Variants in AGBL1 observed in about 807,000 individuals in gnomAD.
AGBL1 encodes the protein cytosolic carboxypeptidase 4.
Under a neutral mutation model 118.9 loss-of-function variants are expected in AGBL1, and 130 were observed. The observed-to-expected ratio is 1.09, with a 90% CI of 0.95 to 1.26. The LOEUF (loss-of-function observed/expected upper bound fraction) is 1.26, where lower values mean the gene tolerates loss of function less well. Ranked by LOEUF, AGBL1 falls within the 50% of genes most tolerant of loss-of-function variation. The probability of loss-of-function intolerance (pLI) is 0.00; values close to 1 mark genes in which losing one functional copy is unlikely to be tolerated. For synonymous variants in AGBL1, 555 were observed against 478.9 expected (o/e 1.16, Z -2.08); for missense variants, 1,584 against 1,298.1 (o/e 1.22, Z -3.38).
At chr15:86,155,968 C>A (rs1739282745) in intron 4 of AGBL1, among the ~76,000 whole-genome samples, 1 of 152,054 alleles carries the variant, frequency 6.6e-6, no homozygotes, top group Non-Finnish European at 1.5e-5. Context: ...TTTGCCTAGG[C>A]TGGAGTGCAC....
At chr15:86,473,542 T>A (rs1463780247) in intron 18 of AGBL1, among the ~76,000 whole-genome samples, 1 of 151,568 alleles carries the variant, frequency 6.6e-6, no homozygotes, top group Non-Finnish European at 1.5e-5. Flanking sequence ...AGTGTGTATA[T>A]TTTTTTCTAT....
chr15:86,280,569 T>A (rs945876249), intron 16 of AGBL1, among the ~76,000 whole-genome samples: 2 of 152,226 alleles, frequency 1.3e-5, no homozygotes, highest in Middle Eastern at 3.2e-3. Context: ...GTATCTTCTA[T>A]AAAGCACTTT....
chr15:86,595,978 C>T (rs2084399631), intron 21 of AGBL1, among the ~76,000 whole-genome samples: 1 of 151,820 alleles, frequency 6.6e-6, no homozygotes, highest in Admixed American at 6.6e-5. Context: ...CCCCAGAAAG[C>T]CAAAGTCTGA....
chr15:86,634,248 C>A (rs540395408), intron 21 of AGBL1, among the ~76,000 whole-genome samples: 1 of 152,144 alleles, frequency 6.6e-6, no homozygotes, highest in South Asian at 2.1e-4. Context: ...TATGTCCACA[C>A]AAGAATTTGT....
intron 1 of AGBL1, among the ~76,000 whole-genome samples, chr15:86,127,130 A>G (rs2076757729): frequency 6.6e-6 from 1 of 152,188 alleles, no homozygotes; most frequent in Non-Finnish European, 1.5e-5. Flanking sequence ...CTACAGGAAT[A>G]CTTACTCTCT....
intron 18 of AGBL1, among the ~76,000 whole-genome samples, chr15:86,498,103 A>G (rs1217731057): frequency 6.6e-6 from 1 of 151,956 alleles, no homozygotes; most frequent in African/African-American, 2.4e-5. Flanking sequence ...AATTCTATTA[A>G]CAGAAGATAG....
chr15:86,974,799 G>T (rs1287751809), intron 23 of AGBL1, among the ~76,000 whole-genome samples: 2 of 151,698 alleles, frequency 1.3e-5, no homozygotes, highest in Non-Finnish European at 1.5e-5. Flanking sequence ...AAGCAAGTTA[G>T]TTGGGGATAT....
chr15:86,432,374 A>T (rs2081944583), intron 18 of AGBL1, among the ~76,000 whole-genome samples: 2 of 152,096 alleles, frequency 1.3e-5, no homozygotes, highest in Admixed American at 1.3e-4. Flanking sequence ...GTTTTTGATG[A>T]CTTCGATAGT....
chr15:86,480,189 A>C (rs2082631593), intron 18 of AGBL1, among the ~76,000 whole-genome samples: 1 of 152,208 alleles, frequency 6.6e-6, no homozygotes, highest in Non-Finnish European at 1.5e-5. Flanking sequence ...ACAAACCTGC[A>C]CGTTGTGCAC....
intron 22 of AGBL1, among the ~76,000 whole-genome samples, chr15:86,790,624 G>C (rs1408046126): frequency 6.6e-6 from 1 of 151,960 alleles, no homozygotes; most frequent in South Asian, 2.1e-4. Flanking sequence ...TGTATTTTAT[G>C]GGAAATGATT....
At chr15:86,890,551 A>G (rs2080038890) in intron 22 of AGBL1, among the ~76,000 whole-genome samples, 1 of 151,902 alleles carries the variant, frequency 6.6e-6, no homozygotes. Flanking sequence ...TCTTTAGCCC[A>G]TCTTAATTTC....
chr15:86,997,389 T>G (rs892104277), intron 24 of AGBL1, among the ~76,000 whole-genome samples: 1 of 152,182 alleles, frequency 6.6e-6, no homozygotes, highest in African/African-American at 2.4e-5. Context: ...AAGTATACTC[T>G]CCTTCAAATT....
rs575728778 is a variant in AGBL1, at chr15:86,442,397, C to G, written c.2555+44851C>G. Among the ~76,000 whole-genome samples, 231 of 152,248 alleles carry G rather than the reference C, an allele frequency of 1.5e-3. 6 individuals are homozygous for G. The South Asian group carries it at 0.045, about 30-fold the overall frequency. On this transcript the variant is annotated intron_variant, in intron 18 of 22. Transcript: ENST00000614907. The stretch of plus-strand genomic sequence containing the variant: ...CAAGCTCGCCATTTTCTTTTCTGGC[C>G]TAGATGCCTCTTCCTCATTTGTAAG...
At chr15:86,129,511 G>C (rs942518423) in intron 1 of AGBL1, among the ~76,000 whole-genome samples, 1 of 152,132 alleles carries the variant, frequency 6.6e-6, no homozygotes, top group African/African-American at 2.4e-5. Context: ...TAGGTTTACC[G>C]GGAGGAATAG....
chr15:86,633,148 CAT>C (rs1407404855), intron 21 of AGBL1, among the ~76,000 whole-genome samples: 11 of 152,050 alleles, frequency 7.2e-5, no homozygotes, highest in Non-Finnish European at 1.2e-4. Context: ...ACAGAGAAAA[CAT>C]AGATTATCTG....
chr15:86,366,292 G>A (rs2080886456), intron 17 of AGBL1, among the ~76,000 whole-genome samples: 1 of 152,126 alleles, frequency 6.6e-6, no homozygotes, highest in South Asian at 2.1e-4. Flanking sequence ...AGGCTAGAGA[G>A]GAACAAAGTA....
chr15:86,199,387 T>C (rs1343696817), intron 5 of AGBL1, among the ~76,000 whole-genome samples: 3 of 152,236 alleles, frequency 2.0e-5, no homozygotes, highest in Non-Finnish European at 2.9e-5. Flanking sequence ...TGTCTGTTTG[T>C]TGCCTTAAAA....
intron 5 of AGBL1, among the ~76,000 whole-genome samples, chr15:86,222,673 C>A (rs546369581): frequency 1.3e-5 from 2 of 152,238 alleles, no homozygotes; most frequent in South Asian, 4.1e-4. Flanking sequence ...TACTTATGCC[C>A]TAGGAAGAAA....
intron 24 of AGBL1, among the ~76,000 whole-genome samples, chr15:87,006,130 A>G (rs575210125): frequency 2.5e-3 from 388 of 152,170 alleles, no homozygotes; most frequent in African/African-American, 9.1e-3. Flanking sequence ...CAGTTAGGCT[A>G]CTCAGGGGTC....
Sources: allele counts gnomAD v4.1 joint callset (sites outside exome capture counted in the v4.1 genomes callset), GRCh38; gene constraint gnomAD v4.1.1; transcripts MANE v1.5; gene names NCBI Gene and HGNC (gene_info 2026-07-23, HGNC 2026-07-21).